Variants in SLC9A7 observed in about 807,000 individuals in gnomAD.
SLC9A7 encodes the protein solute carrier family 9 member A7.
Under a neutral mutation model 52.6 loss-of-function variants are expected in SLC9A7, and 19 were observed. The ratio of observed to expected loss-of-function variants is 0.36; its 90% confidence interval spans 0.25 to 0.53. The LOEUF (loss-of-function observed/expected upper bound fraction) is 0.53, where lower values mean the gene tolerates loss of function less well. SLC9A7 is among the 20% of genes least tolerant of loss of function. The probability of loss-of-function intolerance (pLI) is 0.91; values close to 1 mark genes in which losing one functional copy is unlikely to be tolerated. For synonymous variants in SLC9A7, 226 were observed against 252.1 expected (o/e 0.90, Z 0.98); for missense variants, 455 against 597.9 (o/e 0.76, Z 2.49).
At chrX:46,633,427 C>T (rs1943264252) in intron 13 of SLC9A7, among the ~76,000 whole-genome samples, 1 of 89,899 alleles carries the variant, frequency 1.1e-5, no homozygotes, top group South Asian at 5.7e-4. Flanking sequence ...ACTTTTTTTC[C>T]CCTATTCAAG....
intron 5 of SLC9A7, among the ~76,000 whole-genome samples, chrX:46,664,102 C>G (rs1335116488): frequency 8.9e-6 from 1 of 111,838 alleles, no homozygotes; most frequent in Non-Finnish European, 1.9e-5. Flanking sequence ...GATCTAGATA[C>G]ATGCACGAGA....
At chrX:46,690,935 G>A (rs1208923027) in intron 1 of SLC9A7, among the ~76,000 whole-genome samples, 1 of 111,534 alleles carries the variant, frequency 9.0e-6, no homozygotes, top group Non-Finnish European at 1.9e-5. Context: ...GTTTATTTCT[G>A]GAGCTGGTGG....
At chrX:46,633,336 T>TAACAAAAAAAAAAAAA (rs1943253831) in intron 13 of SLC9A7, among the ~76,000 whole-genome samples, 1 of 8,112 alleles carries the variant, frequency 1.2e-4, no homozygotes, top group African/African-American at 3.8e-4. Flanking sequence ...TTGCTGCTGC[T>TAACAAAAAAAAAAAAA]AAAAAAAAAA....
chrX:46,754,709 C>T (rs1556290828), intron 1 of SLC9A7, among the ~76,000 whole-genome samples: 1 of 111,112 alleles, frequency 9.0e-6, no homozygotes, highest in African/African-American at 3.3e-5. Flanking sequence ...GAGGAGGAAG[C>T]GAGAAGCAGG....
chrX:46,711,317 C>T (rs907368007), intron 1 of SLC9A7, among the ~76,000 whole-genome samples: 15 of 112,745 alleles, frequency 1.3e-4, no homozygotes, highest in Non-Finnish European at 1.3e-4. Flanking sequence ...TAAAAGCCAA[C>T]AGAAAACCGC....
intron 16 of SLC9A7, 49 bp downstream of exon 16, chrX:46,613,240 C>T: frequency 1.1e-6 from 1 of 935,232 alleles, no homozygotes; most frequent in Non-Finnish European, 1.5e-6. Context: ...ACGTAAGACA[C>T]TACCCTGGCA....
intron 4 of SLC9A7, among the ~76,000 whole-genome samples, chrX:46,670,691 C>A (rs1434143175): frequency 8.9e-6 from 1 of 111,870 alleles, no homozygotes. Context: ...AAGCTAGAAG[C>A]AAAAGAACTA....
rs942119462 is a variant in SLC9A7 at position 46,601,682 on chromosome X, G to A, written c.*5270C>T. 3 of 112,472 alleles carry A rather than the reference G, an allele frequency of 2.7e-5. No individual in the cohort carries two copies. The highest frequency in any genetic ancestry group is 6.4e-5 in the African/African-American group (2 of 31,057). The allele number at this position is 112,472 out of a possible 1,213,427, so 9.3% of individuals were successfully genotyped here. A position where few individuals can be genotyped will look rare whatever the true frequency, so the allele number is the denominator to read the frequency against. ...ACCCCAGTAACCACCCTGGATGCTCGGATCCATATGCCCTTCCTGTGATTG... is the reference window on the plus strand; with the variant it reads ...ACCCCAGTAACCACCCTGGATGCTCAGATCCATATGCCCTTCCTGTGATTG... On this transcript the variant is annotated 3_prime_UTR_variant, in exon 17 of 17. Transcript: ENST00000616978.
intron 7 of SLC9A7, 111 bp from the exon 8 acceptor site, chrX:46,653,825 C>CTTT: frequency 4.8e-6 from 2 of 413,663 alleles, no homozygotes; most frequent in African/African-American, 2.7e-5. Flanking sequence ...TCCCTTCAAC[C>CTTT]TTTTTTTTTT....
intron 1 of SLC9A7, among the ~76,000 whole-genome samples, chrX:46,694,440 G>A (rs1273050318): frequency 1.8e-5 from 2 of 111,593 alleles, no homozygotes; most frequent in Non-Finnish European, 3.8e-5. Flanking sequence ...GATTAGAATA[G>A]ACATTTCACC....
chrX:46,679,842 C>T, intron 2 of SLC9A7, 87 bp from the exon 3 acceptor site: 1 of 592,145 alleles, frequency 1.7e-6, no homozygotes, highest in Non-Finnish European at 2.7e-6. Flanking sequence ...AAGCCATTGA[C>T]TAAAGTTTGA....
chrX:46,686,238 T>TG (rs776145336), intron 1 of SLC9A7, among the ~76,000 whole-genome samples: 6 of 111,878 alleles, frequency 5.4e-5, no homozygotes, highest in Non-Finnish European at 1.1e-4. Context: ...TGCCCCCTTG[T>TG]GGTTAAAATA....
rs1942626619 is a variant in SLC9A7 at position 46,599,495 on chromosome X, G to C, written c.*7457C>G. 8.9e-6 allele frequency: 1 copy of C among 112,024 alleles called. No homozygotes were observed. The highest frequency in any genetic ancestry group is 1.9e-5 in the Non-Finnish European group (1 of 53,239). 9.2% of individuals were successfully genotyped at this position (112,024 alleles called of 1,213,427 possible). A position where few individuals can be genotyped will look rare whatever the true frequency, so the allele number is the denominator to read the frequency against. On this transcript the variant is annotated 3_prime_UTR_variant, in exon 17 of 17. Coordinates refer to ENST00000616978, the MANE Select transcript of SLC9A7 (RefSeq NM_001257291.2). Reference sequence around the variant, plus strand: ...CTCAGCCAGTTAGTTGTTTTATTTTGAGTTTTGTTTTTTTAAAAAAAGAAA... The same window carrying C: ...CTCAGCCAGTTAGTTGTTTTATTTTCAGTTTTGTTTTTTTAAAAAAAGAAA...
At chrX:46,688,320 G>A (rs1310579483) in intron 1 of SLC9A7, among the ~76,000 whole-genome samples, 5 of 111,485 alleles carry the variant, frequency 4.5e-5, no homozygotes, top group Non-Finnish European at 9.4e-5. Context: ...TTTGTTGGCC[G>A]GGCGCAGTGG....
At chrX:46,611,252 A>G (rs1942843649) in intron 16 of SLC9A7, among the ~76,000 whole-genome samples, 2 of 112,250 alleles carry the variant, frequency 1.8e-5, no homozygotes, top group Admixed American at 9.5e-5. Flanking sequence ...TTTTTAATCT[A>G]TTGGTTTGTG....
intron 1 of SLC9A7, among the ~76,000 whole-genome samples, chrX:46,731,036 A>G (rs1436421289): frequency 9.1e-6 from 1 of 109,645 alleles, no homozygotes; most frequent in Non-Finnish European, 1.9e-5. Context: ...GGGGAAAAAA[A>G]GCAATGAGAA....
chrX:46,753,003 A>G (rs1338177646), intron 1 of SLC9A7, among the ~76,000 whole-genome samples: 1 of 112,088 alleles, frequency 8.9e-6, no homozygotes, highest in Admixed American at 9.5e-5. Flanking sequence ...TCATTTTTCT[A>G]TTTTTTAAGA....
At chrX:46,757,267 G>A (rs2147041620) in intron 1 of SLC9A7, among the ~76,000 whole-genome samples, 1 of 111,968 alleles carries the variant, frequency 8.9e-6, no homozygotes, top group East Asian at 2.8e-4. Context: ...AAACCACAGA[G>A]CTCAACAACG....
intron 1 of SLC9A7, among the ~76,000 whole-genome samples, chrX:46,709,613 CA>C (rs1012365252): frequency 3.0e-4 from 33 of 108,706 alleles, no homozygotes; most frequent in African/African-American, 8.0e-4. Context: ...ACAACAACAA[CA>C]AAAAAAAACC....
Sources: gnomAD v4.1 joint callset for allele counts (sites outside exome capture counted in the v4.1 genomes callset) on GRCh38, gnomAD v4.1.1 for gene constraint, MANE v1.5 for transcripts, NCBI Gene and HGNC (gene_info 2026-07-23, HGNC 2026-07-21) for gene names.